TMEM117: variants seen among roughly 807,000 people sequenced by gnomAD.
TMEM117 encodes transmembrane protein 117.
TMEM117 carries 27 observed loss-of-function variants against 52.4 expected under a neutral mutation model. That is an observed-to-expected ratio of 0.51 (90% CI 0.38 to 0.71). TMEM117 has a LOEUF of 0.71. TMEM117 is among the 30% of genes least tolerant of loss of function. The probability of loss-of-function intolerance (pLI) is 0.00; values close to 1 mark genes in which losing one functional copy is unlikely to be tolerated. For synonymous variants in TMEM117, 215 were observed against 206.3 expected (o/e 1.04, Z -0.36); for missense variants, 556 against 630.5 (o/e 0.88, Z 1.26).
At chr12:43,804,459 C>A in the TMEM117 span, 81 of 1,343,494 alleles carry the variant, frequency 6.0e-5, no homozygotes, top group South Asian at 9.9e-4. Flanking sequence ...AGCCACTAAT[C>A]CAGGAACAGA....
At chr12:44,024,289 T>G (rs1946498441) in intron 3 of TMEM117, among the ~76,000 whole-genome samples, 1 of 152,144 alleles carries the variant, frequency 6.6e-6, no homozygotes. Context: ...CAGAAATGCC[T>G]TTGATGGATA....
chr12:43,835,674 T>C (rs965437051), upstream of TMEM117, among the ~76,000 whole-genome samples: 7 of 152,022 alleles, frequency 4.6e-5, no homozygotes, highest in Non-Finnish European at 4.4e-5. Context: ...GGGACCCTCA[T>C]TGGTTCCCTG....
At chr12:44,327,183 A>T (rs1268028413) in intron 6 of TMEM117, among the ~76,000 whole-genome samples, 1 of 152,220 alleles carries the variant, frequency 6.6e-6, no homozygotes, top group African/African-American at 2.4e-5. Context: ...TGAAAATTCA[A>T]TAGGAAAGAT....
the TMEM117 span, chr12:43,802,465 C>G: frequency 6.3e-7 from 1 of 1,599,218 alleles, no homozygotes; most frequent in Admixed American, 1.8e-5. Flanking sequence ...ACAAGTTGCT[C>G]TATGAAAAAT....
At chr12:43,990,430 A>C (rs1353007287) in intron 3 of TMEM117, among the ~76,000 whole-genome samples, 1 of 152,312 alleles carries the variant, frequency 6.6e-6, no homozygotes, top group South Asian at 2.1e-4. Flanking sequence ...AAAAAGATGG[A>C]ATTGAGCACT....
At chr12:44,073,269 G>C (rs184053983) in intron 3 of TMEM117, among the ~76,000 whole-genome samples, 18 of 152,282 alleles carry the variant, frequency 1.2e-4, no homozygotes, top group Non-Finnish European at 2.1e-4. Flanking sequence ...ATGTAAAGAA[G>C]AATATCAGAG....
At chr12:44,357,921 T>G (rs1951672692) in intron 6 of TMEM117, among the ~76,000 whole-genome samples, 1 of 152,124 alleles carries the variant, frequency 6.6e-6, no homozygotes, top group African/African-American at 2.4e-5. Flanking sequence ...GGAATCAACC[T>G]AGGTGCCCAT....
intron 3 of TMEM117, among the ~76,000 whole-genome samples, chr12:44,056,818 G>A (rs772649419): frequency 6.6e-6 from 1 of 151,912 alleles, no homozygotes; most frequent in Non-Finnish European, 1.5e-5. Context: ...TCAAATCTTC[G>A]TATTGATATA....
At chr12:44,016,551 G>A (rs971384841) in intron 3 of TMEM117, among the ~76,000 whole-genome samples, 3 of 151,992 alleles carry the variant, frequency 2.0e-5, no homozygotes, top group Non-Finnish European at 2.9e-5. Context: ...CTTTCACTAC[G>A]TAAGTCTACA....
chr12:44,228,245 C>T (rs962635892), intron 5 of TMEM117, among the ~76,000 whole-genome samples: 5 of 151,692 alleles, frequency 3.3e-5, no homozygotes, highest in East Asian at 1.9e-4. Flanking sequence ...GCAGTCACCC[C>T]GAGAGAGATC....
intron 2 of TMEM117, among the ~76,000 whole-genome samples, chr12:43,857,289 T>C (rs761852949): frequency 4.0e-5 from 6 of 148,886 alleles, no homozygotes; most frequent in Non-Finnish European, 8.9e-5. Flanking sequence ...TAAGCAATTA[T>C]GAACCAGGGT....
At chr12:44,167,704 C>T (rs1225646393) in intron 4 of TMEM117, among the ~76,000 whole-genome samples, 1 of 152,042 alleles carries the variant, frequency 6.6e-6, no homozygotes, top group East Asian at 1.9e-4. Context: ...CAGAGGGGTT[C>T]TTGTTTCAGC....
intron 3 of TMEM117, among the ~76,000 whole-genome samples, chr12:43,962,659 A>T (rs1304347332): frequency 6.6e-6 from 1 of 152,136 alleles, no homozygotes; most frequent in African/African-American, 2.4e-5. Context: ...CGTGGCTCAC[A>T]CCTGTAAACC....
chr12:44,115,239 A>T (rs1948119297), intron 3 of TMEM117, among the ~76,000 whole-genome samples: 1 of 152,124 alleles, frequency 6.6e-6, no homozygotes, highest in Non-Finnish European at 1.5e-5. Context: ...TAAAACCCTC[A>T]TAGGTGGGAA....
chr12:44,338,337 A>G (rs1193289631), intron 6 of TMEM117, among the ~76,000 whole-genome samples: 2 of 152,076 alleles, frequency 1.3e-5, no homozygotes, highest in Non-Finnish European at 2.9e-5. Context: ...CTTTAGACCT[A>G]TCCTGTTTAA....
At chr12:44,356,792 A>G (rs759349611) in intron 6 of TMEM117, among the ~76,000 whole-genome samples, 2 of 152,122 alleles carry the variant, frequency 1.3e-5, no homozygotes, top group South Asian at 2.1e-4. Flanking sequence ...CCACTGGAGT[A>G]TAGGTCTTCA....
intron 6 of TMEM117, among the ~76,000 whole-genome samples, chr12:44,368,437 AC>A (rs1951819913): frequency 6.6e-6 from 1 of 152,110 alleles, no homozygotes; most frequent in South Asian, 2.1e-4. Context: ...ATTTAGATCA[AC>A]CTTGTACTCT....
chr12:44,284,906 A>G (rs1345721444), intron 5 of TMEM117, among the ~76,000 whole-genome samples: 1 of 152,242 alleles, frequency 6.6e-6, no homozygotes, highest in Admixed American at 6.5e-5. Flanking sequence ...TTCTATACCA[A>G]TAAGCTACTT....
At chr12:44,380,897 T>C (rs745616562) in intron 7 of TMEM117, among the ~76,000 whole-genome samples, 1 of 152,202 alleles carries the variant, frequency 6.6e-6, no homozygotes, top group African/African-American at 2.4e-5. Flanking sequence ...AGGAGAAAGC[T>C]AAGAATGCAA....
Sources: gnomAD v4.1 joint callset for allele counts (sites outside exome capture counted in the v4.1 genomes callset) on GRCh38, gnomAD v4.1.1 for gene constraint, MANE v1.5 for transcripts, NCBI Gene and HGNC (gene_info 2026-07-23, HGNC 2026-07-21) for gene names.